ADGRB3: variants seen among roughly 807,000 people sequenced by gnomAD.
ADGRB3 encodes the protein adhesion G protein-coupled receptor B3, also known as brain-specific angiogenesis inhibitor 3.
A neutral mutation model predicts 193.4 loss-of-function variants in ADGRB3; 37 were observed. The observed-to-expected ratio is 0.19, with a 90% CI of 0.15 to 0.25. ADGRB3 has a LOEUF of 0.25. Ranked by LOEUF, ADGRB3 falls within the 10% of genes least tolerant of loss-of-function variation. The pLI is 1.00. For missense variants in ADGRB3, 1,637 were observed against 1,852.9 expected, an observed-to-expected ratio of 0.88 and a Z score of 2.14; for synonymous variants, 690 against 644.2, an observed-to-expected ratio of 1.07 and a Z score of -1.08.
intron 29 of ADGRB3, among the ~76,000 whole-genome samples, chr6:69,367,040 A>C (rs1454564977): frequency 1.3e-5 from 2 of 152,134 alleles, no homozygotes; most frequent in African/African-American, 2.4e-5. Flanking sequence ...AGATTTCTCT[A>C]GATAAGGTGG....
chr6:69,340,405 C>T lies in ADGRB3; in HGVS notation c.3459+901C>T, dbSNP rs116969777. ...TGACTGGTGACAAAAACACACATGA[C>T]ATAGTGCCATGCTAGTCACTTTGAG... On this transcript the variant is annotated intron_variant, in intron 26 of 31. Coordinates refer to ENST00000370598, the MANE Select transcript of ADGRB3 (RefSeq NM_001704.3). Among the ~76,000 whole-genome samples, 1,213 of 152,286 alleles carry T rather than the reference C, an allele frequency of 8.0e-3. 13 individuals are homozygous for T. Among genetic ancestry groups the T allele is most frequent in the Non-Finnish European group, 0.014 (971 of 68,022 alleles).
At chr6:68,785,345 C>T (rs982052045) in intron 3 of ADGRB3, among the ~76,000 whole-genome samples, 7 of 134,766 alleles carry the variant, frequency 5.2e-5, no homozygotes. Context: ...TGTGATGTTC[C>T]CCTTCCTATG....
intron 22 of ADGRB3, among the ~76,000 whole-genome samples, chr6:69,328,353 A>G (rs1010369745): frequency 3.9e-5 from 6 of 152,150 alleles, no homozygotes; most frequent in African/African-American, 1.2e-4. Flanking sequence ...GAACCAATGG[A>G]TTTTACATTA....
intron 3 of ADGRB3, among the ~76,000 whole-genome samples, chr6:68,757,768 T>C (rs946461241): frequency 1.4e-4 from 22 of 152,094 alleles, no homozygotes; most frequent in Non-Finnish European, 2.8e-4. Flanking sequence ...TCTTATTGTG[T>C]CCCTAGAAAA....
chr6:68,826,918 G>A (rs1767854673), intron 3 of ADGRB3, among the ~76,000 whole-genome samples: 1 of 152,168 alleles, frequency 6.6e-6, no homozygotes, highest in Non-Finnish European at 1.5e-5. Flanking sequence ...GGTCAGTTTT[G>A]AGATGTCAGT....
intron 3 of ADGRB3, among the ~76,000 whole-genome samples, chr6:68,860,037 ATATAT>A (rs1765108998): frequency 6.6e-6 from 1 of 152,176 alleles, no homozygotes; most frequent in Non-Finnish European, 1.5e-5. Flanking sequence ...CCAAAATAAA[ATATAT>A]AATGAGAATA....
chr6:68,894,975 G>GA (rs951954599), intron 3 of ADGRB3, among the ~76,000 whole-genome samples: 5 of 149,670 alleles, frequency 3.3e-5, no homozygotes, highest in African/African-American at 7.4e-5. Context: ...CATCATAGTT[G>GA]AAAAAAAAAG....
chr6:68,800,540 C>G (rs976613382), intron 3 of ADGRB3, among the ~76,000 whole-genome samples: 7 of 152,006 alleles, frequency 4.6e-5, no homozygotes, highest in African/African-American at 1.7e-4. Flanking sequence ...AGGTATACTA[C>G]AAAAATATTC....
intron 17 of ADGRB3, among the ~76,000 whole-genome samples, chr6:69,181,268 A>G (rs1439660424): frequency 6.6e-6 from 1 of 151,952 alleles, no homozygotes; most frequent in African/African-American, 2.4e-5. Flanking sequence ...GGGCTGAAGC[A>G]TGCCTCTAAT....
At chr6:68,899,202 A>T (rs75975158) in intron 3 of ADGRB3, among the ~76,000 whole-genome samples, 4,486 of 152,276 alleles carry the variant, frequency 0.029, 193 homozygotes, top group African/African-American at 0.1. Flanking sequence ...AATTTAAAAA[A>T]TTAGTTGACA....
intron 13 of ADGRB3, among the ~76,000 whole-genome samples, chr6:69,041,165 T>C (rs534765791): frequency 1.3e-5 from 2 of 152,272 alleles, no homozygotes; most frequent in Non-Finnish European, 2.9e-5. Context: ...TTCTCTGTCC[T>C]GAACATTTCA....
chr6:69,250,247 G>T (rs554595815), intron 20 of ADGRB3, among the ~76,000 whole-genome samples: 1 of 152,196 alleles, frequency 6.6e-6, no homozygotes, highest in South Asian at 2.1e-4. Context: ...ATTTTAAGGT[G>T]ATTTTTCCTA....
At chr6:68,867,693 G>A (rs892515267) in intron 3 of ADGRB3, among the ~76,000 whole-genome samples, 1 of 152,218 alleles carries the variant, frequency 6.6e-6, no homozygotes, top group African/African-American at 2.4e-5. Context: ...AAAGCCACAG[G>A]GGTGGAGCTG....
chr6:68,903,740 G>C (rs1036402516), intron 3 of ADGRB3, among the ~76,000 whole-genome samples: 1 of 151,932 alleles, frequency 6.6e-6, no homozygotes, highest in African/African-American at 2.4e-5. Context: ...AGGAGCAGTG[G>C]TCATGCCTGA....
chr6:69,123,068 A>G lies in ADGRB3; in HGVS notation c.2480+47030A>G, dbSNP rs533261821. ...TTGGTTCGGCCATATTTATTTTCAG[A>G]CGTAAGTATCACCTAATAGTTAGCC... On this transcript the variant is annotated intron_variant, in intron 17 of 31. Transcript: ENST00000370598. Among the ~76,000 whole-genome samples, 5 of 151,260 alleles carry G rather than the reference A, an allele frequency of 3.3e-5. No individual in the cohort carries two copies. The South Asian group carries it at 8.4e-4, about 25-fold the overall frequency.
At chr6:69,060,250 C>CTCTCTCT (rs370197043) in intron 15 of ADGRB3, among the ~76,000 whole-genome samples, 2 of 138,406 alleles carry the variant, frequency 1.4e-5, no homozygotes, top group African/African-American at 2.7e-5. Flanking sequence ...CTCTCTCTCT[C>CTCTCTCT]CTCCTCTGTC....
At chr6:68,680,983 C>T (rs1429049094) in intron 3 of ADGRB3, among the ~76,000 whole-genome samples, 3 of 152,064 alleles carry the variant, frequency 2.0e-5, no homozygotes, top group Non-Finnish European at 4.4e-5. Context: ...TTATTTGGCT[C>T]ACAGTCTGCA....
At chr6:68,774,370 ATTT>A (rs77553495) in intron 3 of ADGRB3, among the ~76,000 whole-genome samples, 16 of 130,338 alleles carry the variant, frequency 1.2e-4, no homozygotes, top group Admixed American at 2.4e-4. Flanking sequence ...CACTATGCCT[ATTT>A]TTTTTTTTTT....
chr6:68,982,135 C>G (rs529846182), intron 10 of ADGRB3, among the ~76,000 whole-genome samples: 42 of 152,202 alleles, frequency 2.8e-4, no homozygotes, highest in African/African-American at 9.6e-4. Context: ...CTGCCTGCCT[C>G]AGCCTCCCAA....
Sources: gnomAD v4.1 joint callset for allele counts (sites outside exome capture counted in the v4.1 genomes callset) on GRCh38, gnomAD v4.1.1 for gene constraint, MANE v1.5 for transcripts, NCBI Gene and HGNC (gene_info 2026-07-23, HGNC 2026-07-21) for gene names.